Variants in SLC67A1 observed in about 807,000 individuals in gnomAD.
The protein encoded by SLC67A1 is solute carrier family 67 member A1.
At chr11:2,904,466 G>A in the SLC67A1 span, among the ~76,000 whole-genome samples, 1 of 152,270 alleles carries the variant, frequency 6.6e-6, no homozygotes, top group Non-Finnish European at 1.5e-5. Flanking sequence ...TACCCGTGGG[G>A]AAGGCTGGGC....
the SLC67A1 span, among the ~76,000 whole-genome samples, chr11:2,915,500 G>A: frequency 3.3e-5 from 5 of 152,166 alleles, no homozygotes; most frequent in Admixed American, 6.5e-5. Context: ...CTTGTGCTGC[G>A]TGTGTGAATG....
chr11:2,908,199 C>A, the SLC67A1 span: 1 of 1,517,744 alleles, frequency 6.6e-7, no homozygotes, highest in Non-Finnish European at 9.2e-7. Context: ...CAGTCTTTCC[C>A]AGCCCCTCCC....
At chr11:2,917,272 C>T in the SLC67A1 span, among the ~76,000 whole-genome samples, 2 of 152,342 alleles carry the variant, frequency 1.3e-5, no homozygotes, top group South Asian at 2.1e-4. Flanking sequence ...GTGCCAGGCA[C>T]GTGGCAGGGC....
the SLC67A1 span, among the ~76,000 whole-genome samples, chr11:2,910,590 G>A: frequency 6.6e-6 from 1 of 152,132 alleles, no homozygotes. Flanking sequence ...GGCACAGCAG[G>A]GGTGAGAATG....
the SLC67A1 span, among the ~76,000 whole-genome samples, chr11:2,901,310 G>GT: frequency 2.0e-5 from 3 of 152,226 alleles, no homozygotes; most frequent in African/African-American, 4.8e-5. Flanking sequence ...CCTGGCTCTG[G>GT]CCCCCCTGCC....
the SLC67A1 span, chr11:2,909,352 G>C: frequency 4.3e-6 from 6 of 1,392,038 alleles, no homozygotes; most frequent in African/African-American, 1.8e-4. Flanking sequence ...TGCACACGCT[G>C]CCAGGTAGGG....
At chr11:2,925,226 A>C in the SLC67A1 span, 4 of 1,598,012 alleles carry the variant, frequency 2.5e-6, no homozygotes, top group Admixed American at 6.8e-5. The surrounding 1 kb of genome is among the most constrained non-coding windows in gnomAD (Gnocchi z 6.5). Flanking sequence ...CTGGCAATAA[A>C]CTCCTACTAA....
At chr11:2,916,813 G>A in the SLC67A1 span, 3 of 1,354,762 alleles carry the variant, frequency 2.2e-6, no homozygotes, top group South Asian at 3.6e-5. Context: ...GCGTGCTCCA[G>A]CCAAGGGGTA....
chr11:2,907,228 G>A, the SLC67A1 span, among the ~76,000 whole-genome samples: 11 of 152,166 alleles, frequency 7.2e-5, no homozygotes, highest in Admixed American at 3.9e-4. The surrounding 1 kb of genome is among the most constrained non-coding windows in gnomAD (Gnocchi z 6.7). Context: ...GGGCGGGGGC[G>A]GTGTATTAGC....
the SLC67A1 span, chr11:2,909,429 A>G: frequency 7.3e-7 from 1 of 1,364,748 alleles, no homozygotes; most frequent in Non-Finnish European, 9.5e-7. Context: ...GGACACCTCC[A>G]GGGAGGTCTG....
the SLC67A1 span, chr11:2,908,325 T>C: frequency 1.9e-6 from 3 of 1,611,884 alleles, no homozygotes; most frequent in East Asian, 6.7e-5. Flanking sequence ...GGCCGGTATT[T>C]GGCAGGTACA....
the SLC67A1 span, chr11:2,919,417 C>CACA: frequency 6.2e-7 from 1 of 1,602,034 alleles, no homozygotes; most frequent in African/African-American, 1.3e-5. Context: ...GGTGAGTGGG[C>CACA]ACACAGGGCC....
At chr11:2,913,282 G>A in the SLC67A1 span, among the ~76,000 whole-genome samples, 2 of 152,160 alleles carry the variant, frequency 1.3e-5, no homozygotes, top group African/African-American at 4.8e-5. Context: ...TTCCCACAGT[G>A]GGCAGGCAGC....
the SLC67A1 span, chr11:2,899,704 A>C: frequency 6.7e-6 from 10 of 1,491,350 alleles, no homozygotes; most frequent in Non-Finnish European, 8.9e-6. Flanking sequence ...TCCCCCATTC[A>C]CACTGAGCCT....
At chr11:2,916,428 C>T in the SLC67A1 span, 4 of 536,276 alleles carry the variant, frequency 7.5e-6, no homozygotes, top group Non-Finnish European at 1.3e-5. Flanking sequence ...AGCGCCCCAC[C>T]CATTCCTTCA....
chr11:2,902,784 G>C, the SLC67A1 span: 1 of 974,452 alleles, frequency 1.0e-6, no homozygotes, highest in Non-Finnish European at 1.2e-6. Context: ...GACCATTCCA[G>C]AAGCCCCTTG....
At chr11:2,922,318 C>T in the SLC67A1 span, 3 of 1,518,630 alleles carry the variant, frequency 2.0e-6, no homozygotes, top group South Asian at 3.5e-5. Flanking sequence ...CCACACCCAC[C>T]CGGGGCCAGC....
chr11:2,907,955 C>T, the SLC67A1 span, among the ~76,000 whole-genome samples: 397 of 152,282 alleles, frequency 2.6e-3, 1 homozygote, highest in Non-Finnish European at 4.4e-3. This position sits in a 1 kb window ranked among gnomAD's most constrained non-coding sequence, Gnocchi z 6.7. Flanking sequence ...GGGTCAGGTG[C>T]CTCTCTGGGG....
chr11:2,908,444 G>A, the SLC67A1 span: 1 of 721,252 alleles, frequency 1.4e-6, no homozygotes, highest in African/African-American at 1.8e-5. Flanking sequence ...CCCCTGGGAT[G>A]ACGGCACTCC....
Sources: allele counts gnomAD v4.1 joint callset (sites outside exome capture counted in the v4.1 genomes callset), GRCh38; gene constraint gnomAD v4.1.1; non-coding constraint Gnocchi (gnomAD v3.1); transcripts MANE v1.5; gene names NCBI Gene and HGNC (gene_info 2026-07-23, HGNC 2026-07-21).